AFF2: variants seen among roughly 807,000 people sequenced by gnomAD.
AFF2 encodes AF4/FMR2 family member 2.
A neutral mutation model predicts 76.9 loss-of-function variants in AFF2; 14 were observed. The observed-to-expected ratio is 0.18, with a 90% confidence interval of 0.12 to 0.28. The LOEUF (loss-of-function observed/expected upper bound fraction) is 0.28, where lower values mean the gene tolerates loss of function less well. AFF2 is among the 10% of genes least tolerant of loss of function. The probability of loss-of-function intolerance (pLI) is 1.00; values close to 1 mark genes in which losing one functional copy is unlikely to be tolerated. For synonymous variants in AFF2, 398 were observed against 366.7 expected (o/e 1.09, Z -0.98); for missense variants, 868 against 1,001.1 (o/e 0.87, Z 1.79).
At chrX:148,967,558 G>A (rs1237910905) in intron 14 of AFF2, 71 bp from the exon 15 acceptor site, 11 of 980,200 alleles carry the variant, frequency 1.1e-5, no homozygotes, top group South Asian at 2.1e-5. Flanking sequence ...AGCAGAAAAG[G>A]TTTGATGATT....
intron 1 of AFF2, among the ~76,000 whole-genome samples, chrX:148,549,808 G>A (rs782024179): frequency 6.3e-5 from 7 of 111,807 alleles, no homozygotes; most frequent in African/African-American, 2.3e-4. Flanking sequence ...TGCTATTTCT[G>A]GAACTCACAG....
In AFF2 at chrX:148,742,675, G is replaced by C. The variant is rs1473039173; in HGVS notation, c.1042-67201G>C. On this transcript the variant is annotated intron_variant, in intron 3 of 20. Transcript: ENST00000370460. ...TTGTTGGAAAACTTGCATGTGCTTT[G>C]CAGGTAAGGGATTTAAGAACGATAT... Among the ~76,000 whole-genome samples, 8 of 111,849 alleles carry C rather than the reference G, an allele frequency of 7.2e-5. No individual in the cohort carries two copies. In the Admixed American group the frequency reaches 7.5e-4, roughly 11 times the overall value.
chrX:148,930,165 A>G (rs2071696021), intron 9 of AFF2, among the ~76,000 whole-genome samples: 1 of 112,330 alleles, frequency 8.9e-6, no homozygotes. Context: ...TGTCCAAATT[A>G]TGTATAAGTG....
At chrX:148,614,255 T>C (rs1474692896) in intron 1 of AFF2, among the ~76,000 whole-genome samples, 2 of 112,221 alleles carry the variant, frequency 1.8e-5, no homozygotes, top group African/African-American at 3.2e-5. Flanking sequence ...CAAGCTTTGC[T>C]TTATTTTTAT....
chrX:148,609,237 C>T, intron 1 of AFF2, among the ~76,000 whole-genome samples: 1 of 111,763 alleles, frequency 8.9e-6, no homozygotes, highest in African/African-American at 3.2e-5. Flanking sequence ...GACATTGAAA[C>T]ATTAAATGTA....
At chrX:148,779,973 C>G (rs1330692532) in intron 3 of AFF2, among the ~76,000 whole-genome samples, 1 of 111,953 alleles carries the variant, frequency 8.9e-6, no homozygotes, top group African/African-American at 3.3e-5. Flanking sequence ...ATTTGCTTGT[C>G]TGTAAAGCAT....
intron 13 of AFF2, among the ~76,000 whole-genome samples, chrX:148,963,816 C>T (rs782768050): frequency 8.9e-6 from 1 of 112,042 alleles, no homozygotes; most frequent in Non-Finnish European, 1.9e-5. Context: ...CTAGGCCAAT[C>T]GGGCTGTGGC....
chrX:148,855,456 G>A (rs1477674319), intron 7 of AFF2, among the ~76,000 whole-genome samples: 5 of 111,625 alleles, frequency 4.5e-5, no homozygotes, highest in Non-Finnish European at 1.9e-5. Context: ...TTCTTCAGCA[G>A]CCGGTACAGG....
At chrX:148,934,053 C>T (rs1557284719) in intron 9 of AFF2, among the ~76,000 whole-genome samples, 1 of 112,317 alleles carries the variant, frequency 8.9e-6, no homozygotes. Context: ...CTCTCATATC[C>T]GTGAAATCTG....
At chrX:148,652,764 G>C (rs943665553) in intron 2 of AFF2, among the ~76,000 whole-genome samples, 6 of 111,786 alleles carry the variant, frequency 5.4e-5, no homozygotes, top group African/African-American at 1.9e-4. Flanking sequence ...GTGTCTACAA[G>C]TATTGATTTT....
rs1457325575 is a variant in AFF2, at chrX:148,955,762, A to G, written c.1717A>G (p.Lys573Glu). Residue 573 changes from lysine to glutamate, a missense_variant, in exon 11 of 21, where the codon AAG becomes GAG. Around this residue, in one of 6 missense-constraint regions of AFF2, gnomAD observed 532 missense variants for 564.2 expected, o/e 0.94. Coordinates refer to ENST00000370460, the MANE Select transcript of AFF2 (RefSeq NM_002025.4). The stretch of plus-strand genomic sequence containing the variant: ...ACCAATGGAAGTCCAGATGAAAGTG[A>G]AGACGAATGCCAGTCAGGTCCCAGC... Reference protein sequence around the residue: ...IQPMEVQMKVKTNASQVPAEP... With the variant: ...IQPMEVQMKVETNASQVPAEP... The G allele has an allele frequency of 8.3e-7, 1 of 1,210,119 alleles. No homozygotes were observed. The highest frequency in any genetic ancestry group is 3.0e-5 in the East Asian group (1 of 33,775).
chrX:148,724,052 C>T (rs1603287802), intron 3 of AFF2, among the ~76,000 whole-genome samples: 1 of 108,412 alleles, frequency 9.2e-6, no homozygotes, highest in Non-Finnish European at 1.9e-5. Context: ...CAAGTCACTA[C>T]CAAGGTTGGC....
At chrX:148,870,897 T>C (rs1433953705) in intron 7 of AFF2, among the ~76,000 whole-genome samples, 5 of 111,545 alleles carry the variant, frequency 4.5e-5, no homozygotes, top group African/African-American at 1.6e-4. Context: ...CAAGGCATCC[T>C]CCCTCCCTGG....
At chrX:148,607,132 T>C (rs1279274659) in intron 1 of AFF2, among the ~76,000 whole-genome samples, 7 of 111,574 alleles carry the variant, frequency 6.3e-5, no homozygotes, top group African/African-American at 2.3e-4. Flanking sequence ...AAAGGTAAAG[T>C]AACTGGCTCC....
chrX:148,783,910 G>C (rs1293768630), intron 3 of AFF2, among the ~76,000 whole-genome samples: 2 of 111,503 alleles, frequency 1.8e-5, no homozygotes, highest in African/African-American at 6.5e-5. Context: ...TTGAACTAAG[G>C]GGGCATCACA....
At chrX:148,679,178 A>G (rs1466226992) in intron 3 of AFF2, among the ~76,000 whole-genome samples, 2 of 105,755 alleles carry the variant, frequency 1.9e-5, no homozygotes, top group Non-Finnish European at 3.9e-5. Flanking sequence ...CAAACTATAT[A>G]GCAATATACG....
intron 9 of AFF2, among the ~76,000 whole-genome samples, chrX:148,951,197 A>C (rs868929603): frequency 6.2e-5 from 6 of 96,757 alleles, no homozygotes; most frequent in African/African-American, 2.2e-4. Context: ...ACACACACAC[A>C]CCCCAATTTT....
chrX:148,563,458 G>A (rs1557241090), intron 1 of AFF2, among the ~76,000 whole-genome samples: 1 of 111,368 alleles, frequency 9.0e-6, no homozygotes, highest in Non-Finnish European at 1.9e-5. Context: ...GAGAGAGGTT[G>A]GAGGTGGAGT....
chrX:148,554,305 C>T (rs910189981), intron 1 of AFF2, among the ~76,000 whole-genome samples: 3 of 111,945 alleles, frequency 2.7e-5, no homozygotes, highest in Admixed American at 9.5e-5. Flanking sequence ...GTGAGGTAGG[C>T]GTGGTCTGTA....
Sources: gnomAD v4.1 joint callset for allele counts (sites outside exome capture counted in the v4.1 genomes callset) on GRCh38, gnomAD v4.1.1 for gene constraint, gnomAD v4.1.1 regional missense constraint, MANE v1.5 for transcripts, NCBI Gene and HGNC (gene_info 2026-07-23, HGNC 2026-07-21) for gene names.